SBK1: variants seen among roughly 807,000 people sequenced by gnomAD.
SBK1 encodes SH3 domain binding kinase 1, also known as serine/threonine-protein kinase SBK1.
Under a neutral mutation model 24.4 loss-of-function variants are expected in SBK1, and 11 were observed. The observed-to-expected ratio is 0.45, with a 90% CI of 0.28 to 0.75. The LOEUF (loss-of-function observed/expected upper bound fraction) is 0.75, where lower values mean the gene tolerates loss of function less well. SBK1 is among the 30% of genes least tolerant of loss of function. The pLI is 0.12. For synonymous variants in SBK1, 308 were observed against 284.4 expected, an observed-to-expected ratio of 1.08 and a Z score of -0.83; for missense variants, 467 against 620.5, an observed-to-expected ratio of 0.75 and a Z score of 2.63.
intron 1 of SBK1, chr16:28,285,271 T>C (rs2044558528): frequency 6.6e-6 from 1 of 152,212 alleles, no homozygotes; most frequent in Non-Finnish European, 1.5e-5. Flanking sequence ...TTAAAAAAGA[T>C]AGGGCCGGGC....
chr16:28,269,349 TGAAAG>T (rs936642495), intron 1 of SBK1, among the ~76,000 whole-genome samples: 3 of 151,564 alleles, frequency 2.0e-5, no homozygotes, highest in African/African-American at 7.3e-5. Flanking sequence ...AGTTCTTTCT[TGAAAG>T]GAGAACCAAG....
At chr16:28,296,729 C>T (rs1039410907) in intron 1 of SBK1, among the ~76,000 whole-genome samples, 12 of 152,172 alleles carry the variant, frequency 7.9e-5, no homozygotes, top group African/African-American at 2.7e-4. Context: ...TGCACTCTTA[C>T]CCCTGAACTA....
At chr16:28,262,450 G>C (rs1024392667) in intron 1 of SBK1, among the ~76,000 whole-genome samples, 3 of 152,310 alleles carry the variant, frequency 2.0e-5, no homozygotes, top group South Asian at 2.1e-4. Flanking sequence ...GGCAACGAAG[G>C]GGGGCAGGTG....
chr16:28,267,325 G>A (rs565390134), intron 1 of SBK1, among the ~76,000 whole-genome samples: 19 of 152,318 alleles, frequency 1.2e-4, no homozygotes, highest in Non-Finnish European at 2.4e-4. Context: ...TTCCCAAAGT[G>A]TTGGGATTAC....
At position 28,323,185 on chromosome 16, in the gene SBK1, T is replaced by A. The variant is rs552710456; in HGVS notation, c.*2264T>A. The A allele has an allele frequency of 6.6e-6, 1 of 150,620 alleles. No individual in the cohort carries two copies. 9.3% of individuals were successfully genotyped at this position (150,620 alleles called of 1,614,324 possible). ...AGGTTGGGGCCCTGGTGCTGCCACCTCCTCTGCTGGTCGGGCTGGGACCCT... is the reference window on the plus strand; with the variant it reads ...AGGTTGGGGCCCTGGTGCTGCCACCACCTCTGCTGGTCGGGCTGGGACCCT... On this transcript the variant is annotated 3_prime_UTR_variant, in exon 4 of 4. Transcript: ENST00000341901.
chr16:28,296,158 A>G (rs1257350297), intron 1 of SBK1, among the ~76,000 whole-genome samples: 3 of 149,404 alleles, frequency 2.0e-5, no homozygotes, highest in African/African-American at 7.4e-5. Context: ...GTCGTGGCAC[A>G]ATCTCGGCTC....
In SBK1 at chr16:28,319,607, G is replaced by A. The variant is rs1199100662; in HGVS notation, c.429+410G>A. Among the ~76,000 whole-genome samples the A allele has an allele frequency of 6.6e-6, 1 of 152,110 alleles. No individual in the cohort carries two copies. The highest frequency in any genetic ancestry group is 6.5e-5 in the Admixed American group (1 of 15,282). ...ATCTGCTCTGCCACTTGCTGGCTGA[G>A]TGATGAGACCTTCGGAGCAGGTCCT... On this transcript the variant is annotated intron_variant, in intron 3 of 3. Coordinates refer to ENST00000341901, the MANE Select transcript of SBK1 (RefSeq NM_001024401.3). The surrounding 1 kb of genome is among the most constrained non-coding windows in gnomAD (Gnocchi z 4.0).
chr16:28,274,355 C>T (rs1019926532), intron 1 of SBK1, among the ~76,000 whole-genome samples: 1 of 151,930 alleles, frequency 6.6e-6, no homozygotes, highest in Non-Finnish European at 1.5e-5. Context: ...TCAATTCAAA[C>T]GCGTTCTGCT....
chr16:28,259,995 C>A lies in SBK1; in HGVS notation c.257+493C>A, dbSNP rs115999985. Among the ~76,000 whole-genome samples, 2,859 of 152,292 alleles carry A rather than the reference C, an allele frequency of 0.019. 78 individuals are homozygous for A. Among genetic ancestry groups the A allele is most frequent in the African/African-American group, 0.065 (2,704 of 41,540 alleles). Reference sequence around the variant, plus strand: ...TCCCTGTCCCACCCTAACCTGAGAGCCACCTTTCCATCCTGCACTGCAGTG... The same window carrying A: ...TCCCTGTCCCACCCTAACCTGAGAGACACCTTTCCATCCTGCACTGCAGTG... On this transcript the variant is annotated intron_variant, in intron 1 of 3. Transcript: ENST00000671413. This position sits in a 1 kb window ranked among gnomAD's most constrained non-coding sequence, Gnocchi z 6.0.
chr16:28,263,129 C>T (rs781281163), intron 1 of SBK1, among the ~76,000 whole-genome samples: 7 of 152,156 alleles, frequency 4.6e-5, no homozygotes, highest in Non-Finnish European at 1.0e-4. Context: ...AATATAGTCC[C>T]GTCTACATGA....
chr16:28,307,480 C>T (rs1029922837), intron 1 of SBK1, among the ~76,000 whole-genome samples: 10 of 152,106 alleles, frequency 6.6e-5, no homozygotes, highest in Admixed American at 1.3e-4. Flanking sequence ...TGGCTCACAC[C>T]TGAAATCCCA....
intron 1 of SBK1, among the ~76,000 whole-genome samples, chr16:28,300,377 T>G (rs184507550): frequency 2.7e-4 from 41 of 152,300 alleles, no homozygotes; most frequent in Non-Finnish European, 5.0e-4. Context: ...TGGAGTGCAG[T>G]GGCGTCATCA....
At chr16:28,262,359 T>C (rs772764717) in intron 1 of SBK1, among the ~76,000 whole-genome samples, 10 of 152,216 alleles carry the variant, frequency 6.6e-5, no homozygotes, top group Non-Finnish European at 1.5e-4. Context: ...TGCTTCTGTG[T>C]GATCCTGGGG....
intron 2 of SBK1, among the ~76,000 whole-genome samples, chr16:28,318,364 T>C (rs1287534710): frequency 6.6e-6 from 1 of 152,256 alleles, no homozygotes; most frequent in Non-Finnish European, 1.5e-5. Context: ...TGAGCTTTGT[T>C]ACTTGCTTGC....
chr16:28,266,903 G>A (rs972551540), intron 1 of SBK1, among the ~76,000 whole-genome samples: 2 of 151,336 alleles, frequency 1.3e-5, no homozygotes, highest in East Asian at 1.9e-4. Flanking sequence ...ACACACCACG[G>A]CTAATTTTAA....
In SBK1 at chr16:28,312,120, G is replaced by A. The variant is rs569984378; in HGVS notation, c.-7-5265G>A. ...GACTCCACACACGTCAGGAAAAGTA[G>A]GTCAGGGGAGCAGCCCAGCGTCTCC... On this transcript the variant is annotated intron_variant, in intron 1 of 3. Transcript: ENST00000341901. Among the ~76,000 whole-genome samples the A allele has an allele frequency of 1.6e-4, 24 of 152,362 alleles. No homozygotes were observed. In the South Asian group the frequency reaches 4.8e-3, roughly 30 times the overall value.
At chr16:28,306,698 C>G (rs1435535671) in intron 1 of SBK1, among the ~76,000 whole-genome samples, 1 of 152,196 alleles carries the variant, frequency 6.6e-6, no homozygotes, top group Non-Finnish European at 1.5e-5. Context: ...GATTAACAAC[C>G]CAGCAAGAAA....
At chr16:28,296,546 C>T (rs892373055) in intron 1 of SBK1, among the ~76,000 whole-genome samples, 2 of 152,274 alleles carry the variant, frequency 1.3e-5, no homozygotes, top group Admixed American at 6.5e-5. Flanking sequence ...AATCTTTGTT[C>T]GGTGGGCAAC....
At position 28,317,676 on chromosome 16, in the gene SBK1, A is replaced by G; in HGVS notation, c.226+59A>G. The G allele has an allele frequency of 1.7e-6, 2 of 1,153,082 alleles. No individual in the cohort carries two copies. Among genetic ancestry groups the G allele is most frequent in the Non-Finnish European group, 2.6e-6 (2 of 769,554 alleles). The allele number at this position is 1,153,082 out of a possible 1,614,324, so 71.4% of individuals were successfully genotyped here. On this transcript the variant is annotated intron_variant, in intron 2 of 3. Transcript: ENST00000341901. This position sits in a 1 kb window ranked among gnomAD's most constrained non-coding sequence, Gnocchi z 4.2. ...TGGGGTGGGGCAGGGCTGGGAGGTC[A>G]GGGTTGGGGGACATGACCTTGCAGC...
Sources: gnomAD v4.1 joint callset for allele counts (sites outside exome capture counted in the v4.1 genomes callset) on GRCh38, gnomAD v4.1.1 for gene constraint, Gnocchi (gnomAD v3.1) non-coding constraint, MANE v1.5 for transcripts, NCBI Gene and HGNC (gene_info 2026-07-23, HGNC 2026-07-21) for gene names.